The following LTBP1 variants were observed in gnomAD, a reference collection of about 807,000 sequenced individuals.
The protein encoded by LTBP1 is latent-transforming growth factor beta-binding protein 1.
LTBP1 carries 129 observed loss-of-function variants against 207.6 expected under a neutral mutation model. The observed-to-expected ratio is 0.62, with a 90% CI of 0.54 to 0.72. The LOEUF is 0.72. Ranked by LOEUF, LTBP1 falls within the 30% of genes least tolerant of loss-of-function variation. LTBP1 has a pLI of 0.00. For missense variants in LTBP1, 2,281 were observed against 2,217.2 expected (o/e 1.03, Z -0.58); for synonymous variants, 963 against 833.7 (o/e 1.16, Z -2.67).
intron 2 of LTBP1, among the ~76,000 whole-genome samples, chr2:32,990,642 AC>A (rs1572967857): frequency 1.3e-5 from 2 of 152,220 alleles, no homozygotes; most frequent in Admixed American, 1.3e-4. Flanking sequence ...TGTTTGATAA[AC>A]TGTTAAATAA....
intron 15 of LTBP1, among the ~76,000 whole-genome samples, chr2:33,268,412 C>A (rs1193970164): frequency 5.9e-5 from 9 of 152,194 alleles, no homozygotes; most frequent in Non-Finnish European, 1.3e-4. Context: ...ATCAGCTCCA[C>A]ATTGTTTAGT....
chr2:33,200,170 C>T (rs1282824271), intron 7 of LTBP1, among the ~76,000 whole-genome samples: 2 of 152,160 alleles, frequency 1.3e-5, no homozygotes, highest in African/African-American at 4.8e-5. Flanking sequence ...ATTGCCAAGT[C>T]AATCCTAAGC....
At chr2:33,184,905 G>A (rs1296432658) in intron 5 of LTBP1, among the ~76,000 whole-genome samples, 1 of 151,892 alleles carries the variant, frequency 6.6e-6, no homozygotes, top group Non-Finnish European at 1.5e-5. Flanking sequence ...GAAGTAGTCA[G>A]TCAGTTGTAA....
chr2:33,243,117 C>T (rs1431239061), intron 9 of LTBP1, among the ~76,000 whole-genome samples: 2 of 152,216 alleles, frequency 1.3e-5, no homozygotes, highest in East Asian at 3.8e-4. Flanking sequence ...CCTGCCCAGA[C>T]ATCAGCACTC....
intron 24 of LTBP1, among the ~76,000 whole-genome samples, chr2:33,321,264 A>G (rs1248350488): frequency 6.6e-6 from 1 of 152,056 alleles, no homozygotes; most frequent in Non-Finnish European, 1.5e-5. Flanking sequence ...CTAAACATCT[A>G]TAGAGACTCT....
Position 32,999,199 on chromosome 2 carries a change from G to A in LTBP1, c.566-21710G>A, listed in dbSNP as rs114746609. Among the ~76,000 whole-genome samples the A allele has an allele frequency of 4.5e-3, 679 of 152,292 alleles. 2 individuals carry two copies. The highest frequency in any genetic ancestry group is 0.014 in the African/African-American group (586 of 41,556). On this transcript the variant is annotated intron_variant, in intron 2 of 33. Coordinates refer to ENST00000404816, the MANE Select transcript of LTBP1 (RefSeq NM_206943.4). The stretch of plus-strand genomic sequence containing the variant: ...GGCTTGTTAGAAGTGCAGGGTTTCC[G>A]GCCCCACCTTTACCAACTGAATCAG...
chr2:33,073,648 A>C (rs2077919500), intron 3 of LTBP1, among the ~76,000 whole-genome samples: 1 of 148,534 alleles, frequency 6.7e-6, no homozygotes, highest in Non-Finnish European at 1.5e-5. Context: ...TTTTTTTTGG[A>C]CAGAATCTTG....
intron 3 of LTBP1, among the ~76,000 whole-genome samples, chr2:33,078,694 ATGTATATT>A (rs1305730225): frequency 6.6e-6 from 1 of 152,120 alleles, no homozygotes; most frequent in Non-Finnish European, 1.5e-5. Flanking sequence ...AAATTCTTTA[ATGTATATT>A]TGTCTTTAAA....
rs977185196 is a variant in LTBP1 at position 32,947,829 on chromosome 2, A to C, written c.494+11A>C. 3 of 1,311,558 alleles carry C rather than the reference A, an allele frequency of 2.3e-6. No homozygotes were observed. The highest frequency in any genetic ancestry group is 2.5e-5 in the South Asian group (1 of 40,122). 81.2% of individuals were successfully genotyped at this position (1,311,558 alleles called of 1,614,324 possible). ...GCAGCAGCTGCAGGGGTAAGCCCACACCCCCTTCCGCCCGCCCGCCCGCCT... is the reference window on the plus strand; with the variant it reads ...GCAGCAGCTGCAGGGGTAAGCCCACCCCCCCTTCCGCCCGCCCGCCCGCCT... On this transcript the variant is annotated intron_variant, in intron 1 of 33. Coordinates refer to ENST00000404816, the MANE Select transcript of LTBP1 (RefSeq NM_206943.4).
intron 5 of LTBP1, among the ~76,000 whole-genome samples, chr2:33,164,184 A>G (rs1381415749): frequency 6.6e-6 from 1 of 151,662 alleles, no homozygotes; most frequent in African/African-American, 2.4e-5. Context: ...CCCCGTCTCT[A>G]CTAAAAATAC....
chr2:33,259,038 T>C (rs751522123), intron 12 of LTBP1, among the ~76,000 whole-genome samples: 28 of 152,218 alleles, frequency 1.8e-4, no homozygotes, highest in Admixed American at 4.6e-4. Context: ...GCTTGTGAGA[T>C]TCTTTTTCGT....
intron 9 of LTBP1, among the ~76,000 whole-genome samples, chr2:33,230,611 G>C (rs1488803213): frequency 6.6e-6 from 1 of 152,134 alleles, no homozygotes; most frequent in Non-Finnish European, 1.5e-5. Context: ...ATAATACTAA[G>C]AGCTCCTACG....
chr2:33,229,296 C>T (rs1048731944), intron 9 of LTBP1, among the ~76,000 whole-genome samples: 1 of 151,854 alleles, frequency 6.6e-6, no homozygotes, highest in African/African-American at 2.4e-5. Flanking sequence ...AAAGCAAGAC[C>T]CTGTCTCTAC....
At chr2:32,948,431 G>T (rs1201806184) in intron 1 of LTBP1, among the ~76,000 whole-genome samples, 1 of 152,338 alleles carries the variant, frequency 6.6e-6, no homozygotes, top group East Asian at 1.9e-4. Flanking sequence ...TCAGGTTGGG[G>T]TGTAGGGGAA....
intron 2 of LTBP1, among the ~76,000 whole-genome samples, chr2:32,978,506 G>C (rs770991928): frequency 1.9e-4 from 29 of 151,920 alleles, no homozygotes; most frequent in Admixed American, 3.9e-4. Context: ...GTATCACATT[G>C]ATTTGCATAT....
At position 33,105,562 on chromosome 2, in the gene LTBP1, A is replaced by G. The variant is rs144669569; in HGVS notation, c.864-5020A>G. On this transcript the variant is annotated intron_variant, in intron 3 of 33. Transcript: ENST00000404816. ...AGTGATTCTCGTGCCTCAAGCTCCC[A>G]AGTAGCTGGGGTTACAGATGGCACC... Among the ~76,000 whole-genome samples the G allele has an allele frequency of 8.0e-3, 1,209 of 151,878 alleles. 11 individuals are homozygous for G. Among genetic ancestry groups the G allele is most frequent in the Middle Eastern group, 0.01 (3 of 294 alleles).
chr2:33,360,394 G>T (rs1436297299), intron 26 of LTBP1, among the ~76,000 whole-genome samples: 1 of 152,154 alleles, frequency 6.6e-6, no homozygotes, highest in Non-Finnish European at 1.5e-5. Context: ...CACTCTTGGG[G>T]TATGTTAGAA....
chr2:33,266,008 C>G (rs370142162), intron 15 of LTBP1, among the ~76,000 whole-genome samples: 17 of 152,330 alleles, frequency 1.1e-4, no homozygotes, highest in Middle Eastern at 3.4e-3. Context: ...AGGAGCCTCG[C>G]CCTTCAGGGT....
chr2:33,373,186 T>G (rs1436169875), intron 31 of LTBP1, among the ~76,000 whole-genome samples: 6 of 152,326 alleles, frequency 3.9e-5, no homozygotes, highest in African/African-American at 1.4e-4. Flanking sequence ...AGGTAATTTC[T>G]TGACTACTCA....
Sources: allele counts gnomAD v4.1 joint callset (sites outside exome capture counted in the v4.1 genomes callset), GRCh38; gene constraint gnomAD v4.1.1; transcripts MANE v1.5; gene names NCBI Gene and HGNC (gene_info 2026-07-23, HGNC 2026-07-21).